MCM6: variants seen among roughly 807,000 people sequenced by gnomAD.
MCM6 encodes DNA replication licensing factor MCM6.
Under a neutral mutation model 94.3 loss-of-function variants are expected in MCM6, and 46 were observed. The observed-to-expected ratio is 0.49, with a 90% CI of 0.39 to 0.62. MCM6 has a LOEUF of 0.62. Ranked by LOEUF, MCM6 falls within the 20% of genes least tolerant of loss-of-function variation. MCM6 has a pLI of 0.00. For missense variants in MCM6, 865 were observed against 1,017.9 expected (o/e 0.85, Z 2.04); for synonymous variants, 335 against 351.9 (o/e 0.95, Z 0.54).
chr2:135,866,980 A>C (rs557826124), intron 4 of MCM6, among the ~76,000 whole-genome samples: 22 of 152,042 alleles, frequency 1.4e-4, no homozygotes, highest in South Asian at 8.3e-4. Context: ...GAAAAAAAAA[A>C]CTTCACTTTT....
Position 135,862,600 on chromosome 2 carries a change from C to T in MCM6, c.1220+7G>A, listed in dbSNP as rs199639116. 3.2e-5 allele frequency: 52 copies of T among 1,613,998 alleles called. No individual in the cohort carries two copies. The Admixed American group carries it at 4.5e-4, about 14-fold the overall frequency. On this transcript the variant is annotated splice_region_variant and intron_variant, in intron 8 of 16. Coordinates refer to ENST00000264156, the MANE Select transcript of MCM6 (RefSeq NM_005915.6). ...TTCCTGCAACACTGTATCAGGCAAACGCTTACTTGAGAAATTGGCTCTTAG... is the reference window on the plus strand; with the variant it reads ...TTCCTGCAACACTGTATCAGGCAAATGCTTACTTGAGAAATTGGCTCTTAG...
rs1680092512 is a variant in MCM6, at chr2:135,866,246, A to C, written c.813T>G (p.Ser271Arg). The C allele has an allele frequency of 6.2e-7, 1 of 1,614,024 alleles. No individual in the cohort carries two copies. Residue 271 changes from serine to arginine, a missense_variant, in exon 6 of 17, where the codon AGT becomes AGG. Physicochemically the swap from Ser to Arg is moderately radical, Grantham distance 110 (BLOSUM62 -1). Around this residue, in one of 3 missense-constraint regions of MCM6, gnomAD observed 404 missense variants for 451.9 expected, o/e 0.89. Transcript: ENST00000264156. The part of the protein sequence containing the change: ...GARAETNSRV[S>R]GVDGYETEGI... ...CTTCTGTCTCATATCCATCAACACC[A>C]CTGACACGGGAATTAGTTTCTGCAC...
At chr2:135,872,483 C>A (rs1295093550) in intron 2 of MCM6, among the ~76,000 whole-genome samples, 2 of 148,014 alleles carry the variant, frequency 1.4e-5, no homozygotes, top group East Asian at 2.0e-4. Flanking sequence ...AAACAAAACA[C>A]AACAACAAAA....
intron 12 of MCM6, chr2:135,852,045 G>A (rs1455891747): frequency 1.3e-5 from 2 of 153,622 alleles, no homozygotes; most frequent in African/African-American, 2.4e-5. Flanking sequence ...CAAGGTTACA[G>A]AGGGATCAGT....
chr2:135,861,710 T>G (rs993552058), intron 8 of MCM6, among the ~76,000 whole-genome samples: 3 of 152,220 alleles, frequency 2.0e-5, no homozygotes, highest in African/African-American at 7.2e-5. Flanking sequence ...CCTCCTGGGT[T>G]CACGCCATTC....
intron 16 of MCM6, 129 bp downstream of exon 16, chr2:135,844,416 T>C: frequency 1.5e-6 from 1 of 683,414 alleles, no homozygotes. Flanking sequence ...TTACAACTCA[T>C]ACTTCTGACT....
chr2:135,846,504 A>AATT lies in MCM6; in HGVS notation c.2054-115_2054-113dup, dbSNP rs959524166. The AATT allele has an allele frequency of 5.9e-5, 50 of 843,348 alleles. No homozygotes were observed. The African/African-American group carries it at 6.4e-4, about 11-fold the overall frequency. 52.2% of individuals were successfully genotyped at this position (843,348 alleles called of 1,614,324 possible). Reference sequence around the variant, plus strand: ...AATACTGATTTTTTTCACTTTTAAAAATTATTATTATTATTTGTTTTAGAG... The same window carrying AATT: ...AATACTGATTTTTTTCACTTTTAAAAATTATTATTATTATTATTTGTTTTAGAG... On this transcript the variant is annotated intron_variant, in intron 14 of 16. Coordinates refer to ENST00000264156, the MANE Select transcript of MCM6 (RefSeq NM_005915.6).
In MCM6 at chr2:135,876,377, G is replaced by T; in HGVS notation, c.-12C>A. On this transcript the variant is annotated 5_prime_UTR_variant, in exon 1 of 17. Transcript: ENST00000264156. ...GCCGCGAGGTCCATATTTGCTTAGT[G>T]CCGAGGATTCGCCTGCGCCACGCTC... 1 of 1,593,940 alleles carries T rather than the reference G, an allele frequency of 6.3e-7. No individual in the cohort carries two copies. Among genetic ancestry groups the T allele is most frequent in the Non-Finnish European group, 8.5e-7 (1 of 1,173,462 alleles).
Position 135,866,174 on chromosome 2 carries a change from C to T in MCM6, c.885G>A (p.Arg295=), listed in dbSNP as rs867494499. ...CAACACAGCAGGCAAGAAAGACCAG[C>T]CTATAAGAAAGGTCCCTAACACCAA... ...RALGVRDLSY[R]LVFLACCVAP... The change falls in exon 6 of 17, where the codon AGG becomes AGA. Residue 295 remains arginine, a synonymous_variant. Transcript: ENST00000264156. 30 of 1,614,116 alleles carry T rather than the reference C, an allele frequency of 1.9e-5. No homozygotes were observed. Among genetic ancestry groups the T allele is most frequent in the Non-Finnish European group, 2.5e-5 (30 of 1,180,024 alleles).
chr2:135,868,955 T>TAA, intron 3 of MCM6, 95 bp from the exon 4 acceptor site: 5 of 1,204,646 alleles, frequency 4.2e-6, no homozygotes, highest in Non-Finnish European at 5.8e-6. Flanking sequence ...AATTTATGTT[T>TAA]AAAAAAAAAA....
intron 16 of MCM6, among the ~76,000 whole-genome samples, chr2:135,842,693 T>C (rs936367624): frequency 7.2e-5 from 11 of 152,170 alleles, no homozygotes; most frequent in African/African-American, 2.7e-4. Flanking sequence ...GAGGTAACAT[T>C]TGAGCAGACA....
Position 135,846,396 on chromosome 2 carries a change from A to G in MCM6, c.2054-4T>C. 1 of 1,613,886 alleles carries G rather than the reference A, an allele frequency of 6.2e-7. No homozygotes were observed. Among genetic ancestry groups the G allele is most frequent in the Non-Finnish European group, 8.5e-7 (1 of 1,179,782 alleles). ...GGAGCAGGGCTGTCAGCATGACCTA[A>G]GTGAAAAATTGACCACCTGAATCTT... On this transcript the variant is annotated splice_polypyrimidine_tract_variant and splice_region_variant and intron_variant, in intron 14 of 16. Transcript: ENST00000264156.
intron 11 of MCM6, among the ~76,000 whole-genome samples, chr2:135,855,465 A>C (rs1031653993): frequency 5.3e-5 from 8 of 152,130 alleles, no homozygotes; most frequent in African/African-American, 1.9e-4. Flanking sequence ...CAAGAGTTCA[A>C]GACCAACACG....
chr2:135,853,009 G>A, intron 11 of MCM6, 94 bp from the exon 12 acceptor site: 1 of 1,125,514 alleles, frequency 8.9e-7, no homozygotes, highest in Middle Eastern at 2.2e-4. Context: ...CCAAAAACAA[G>A]CTCTAATATA....
chr2:135,866,685 A>T lies in MCM6; in HGVS notation c.659T>A (p.Ile220Asn). The T allele has an allele frequency of 6.2e-7, 1 of 1,613,624 alleles. No homozygotes were observed. Among genetic ancestry groups the T allele is most frequent in the Middle Eastern group, 1.7e-4 (1 of 6,058 alleles). The change falls in exon 5 of 17, where the codon ATC becomes AAC. Residue 220 changes from isoleucine (I) to asparagine (N), a missense_variant. Physicochemically the swap from Ile to Asn is moderately radical, Grantham distance 149. Coordinates refer to ENST00000264156, the MANE Select transcript of MCM6 (RefSeq NM_005915.6). ...ETQAELPRGS[I>N]PRSLEVILRA... ...TAAAATTACTTCTAAACTGCGGGGG[A>T]TACTCCCTCGAGGAAGCTCAGCTTG... is the stretch of plus-strand genomic sequence containing the variant.
rs561888683 is a variant in MCM6 at position 135,860,066 on chromosome 2, A to G, written c.1221-624T>C. On this transcript the variant is annotated intron_variant, in intron 8 of 16. Transcript: ENST00000264156. Reference sequence around the variant, plus strand: ...TGATCCACCTACTTTGGCCTCCCAAAGTGCTGGGATTACAGGCGTGAGCCA... The same window carrying G: ...TGATCCACCTACTTTGGCCTCCCAAGGTGCTGGGATTACAGGCGTGAGCCA... Among the ~76,000 whole-genome samples the G allele has an allele frequency of 5.9e-5, 9 of 152,116 alleles. No individual in the cohort carries two copies. In the South Asian group the frequency reaches 1.9e-3, roughly 32 times the overall value.
rs1447875062 is a variant in MCM6 at position 135,856,794 on chromosome 2, T to C, written c.1560A>G (p.Ile520Met). ...YDRSKSLKQN[I>M]NLSAPIMSRF... is the part of the protein sequence containing the mutation. The stretch of plus-strand genomic sequence containing the variant: ...GGGACATGATGGGAGCTGACAAATT[T>C]ATATTCTGTTTCAATGATTTTGATC... Residue 520 changes from isoleucine to methionine, a missense_variant, in exon 11 of 17, where the codon ATA becomes ATG. Ile to Met is a conservative substitution (Grantham distance 10, BLOSUM62 1). Transcript: ENST00000264156. The C allele has an allele frequency of 6.2e-7, 1 of 1,614,078 alleles. No homozygotes were observed. Among genetic ancestry groups the C allele is most frequent in the African/African-American group, 1.3e-5 (1 of 74,920 alleles).
intron 7 of MCM6, 50 bp downstream of exon 7, chr2:135,864,963 A>T (rs754023545): frequency 7.7e-7 from 1 of 1,294,202 alleles, no homozygotes; most frequent in South Asian, 2.6e-5. Flanking sequence ...GGCTGTTTAT[A>T]ATCATTATTT....
intron 12 of MCM6, 39 bp downstream of exon 12, chr2:135,852,748 A>G (rs781039261): frequency 2.2e-6 from 3 of 1,349,130 alleles, no homozygotes; most frequent in African/African-American, 1.5e-5. Flanking sequence ...ACTTTAATAT[A>G]CCCATTATAC....
Sources: allele counts gnomAD v4.1 joint callset (sites outside exome capture counted in the v4.1 genomes callset), GRCh38; gene constraint gnomAD v4.1.1; regional missense constraint gnomAD v4.1.1; transcripts MANE v1.5; gene names NCBI Gene and HGNC (gene_info 2026-07-23, HGNC 2026-07-21).